The following HSD17B12 variants were observed in gnomAD, a reference collection of about 807,000 sequenced individuals.
The protein encoded by HSD17B12 is hydroxysteroid 17-beta dehydrogenase 12.
Under a neutral mutation model 39.3 loss-of-function variants are expected in HSD17B12, and 32 were observed. The ratio of observed to expected loss-of-function variants is 0.81; its 90% CI spans 0.61 to 1.09. The LOEUF is 1.09. Ranked by LOEUF, HSD17B12 falls within the 50% of genes least tolerant of loss-of-function variation. The pLI, the probability that HSD17B12 is intolerant of heterozygous loss-of-function variation, is 0.00. For synonymous variants in HSD17B12, 150 were observed against 146.7 expected (o/e 1.02, Z -0.16); for missense variants, 342 against 382.9 (o/e 0.89, Z 0.89).
At chr11:43,709,110 C>T (rs1452814012) in intron 1 of HSD17B12, among the ~76,000 whole-genome samples, 2 of 152,158 alleles carry the variant, frequency 1.3e-5, no homozygotes, top group African/African-American at 4.8e-5. Context: ...TGTTTTCACC[C>T]CTCATAAGCA....
At chr11:43,589,838 G>A in the HSD17B12 span, among the ~76,000 whole-genome samples, 1 of 152,150 alleles carries the variant, frequency 6.6e-6, no homozygotes, top group Non-Finnish European at 1.5e-5. Context: ...GCCCTTATTA[G>A]CTGCATGCCC....
At chr11:43,717,804 CTTT>C (rs34501307) in intron 1 of HSD17B12, among the ~76,000 whole-genome samples, 16 of 130,184 alleles carry the variant, frequency 1.2e-4, no homozygotes, top group Admixed American at 1.6e-4. Flanking sequence ...TCTTCTTCTT[CTTT>C]TTTTTTTTTT....
intron 3 of HSD17B12, among the ~76,000 whole-genome samples, chr11:43,771,631 T>C (rs1950651116): frequency 6.6e-6 from 1 of 151,450 alleles, no homozygotes; most frequent in African/African-American, 2.4e-5. Flanking sequence ...TATGCCCAGG[T>C]AATTTTTGTA....
intron 3 of HSD17B12, among the ~76,000 whole-genome samples, chr11:43,772,505 T>C (rs1375267835): frequency 1.3e-5 from 2 of 152,244 alleles, no homozygotes; most frequent in African/African-American, 4.8e-5. Flanking sequence ...CAAGGAGGGC[T>C]TAATGTTATT....
chr11:43,749,379 T>C (rs1950444851), intron 1 of HSD17B12, among the ~76,000 whole-genome samples: 1 of 152,174 alleles, frequency 6.6e-6, no homozygotes, highest in Non-Finnish European at 1.5e-5. Context: ...TGATTACATA[T>C]TGGATGTCAA....
At chr11:43,710,939 T>G (rs1950059443) in intron 1 of HSD17B12, among the ~76,000 whole-genome samples, 1 of 152,068 alleles carries the variant, frequency 6.6e-6, no homozygotes. Context: ...AACAGGTGCA[T>G]GCGCCACCAC....
chr11:43,801,618 A>AG (rs1950969834), intron 4 of HSD17B12, among the ~76,000 whole-genome samples: 2 of 19,746 alleles, frequency 1.0e-4, no homozygotes, highest in Non-Finnish European at 3.1e-4. Flanking sequence ...ATATATATAT[A>AG]TATATATATA....
At position 43,796,054 on chromosome 11, in the gene HSD17B12, C is replaced by T. The variant is rs537535873; in HGVS notation, c.284-2266C>T. Among the ~76,000 whole-genome samples, 4 of 152,032 alleles carry T rather than the reference C, an allele frequency of 2.6e-5. No individual in the cohort carries two copies. In the East Asian group the frequency reaches 5.8e-4, roughly 22 times the overall value. Reference sequence around the variant, plus strand: ...ATGGTAAGTTTAAGTCCCGAGTGTACGTGGACAACATTCTGTATCTAAACA... The same window carrying T: ...ATGGTAAGTTTAAGTCCCGAGTGTATGTGGACAACATTCTGTATCTAAACA... On this transcript the variant is annotated intron_variant, in intron 3 of 10. Transcript: ENST00000278353.
At chr11:43,734,516 T>C (rs1950298977) in intron 1 of HSD17B12, 2 of 606,716 alleles carry the variant, frequency 3.3e-6, no homozygotes, top group Non-Finnish European at 5.9e-6. Context: ...GCTCTCGGAA[T>C]ATCACCTACC....
chr11:43,841,957 C>A (rs1289784934), intron 9 of HSD17B12, among the ~76,000 whole-genome samples: 3 of 152,134 alleles, frequency 2.0e-5, no homozygotes, highest in Non-Finnish European at 4.4e-5. Flanking sequence ...CAATCTCATA[C>A]AATGGTGTGA....
the HSD17B12 span, chr11:43,673,492 C>CTTTTCTTTTTT: frequency 3.1e-4 from 26 of 83,908 alleles, no homozygotes; most frequent in South Asian, 4.6e-4. Flanking sequence ...CTTTTCTTTT[C>CTTTTCTTTTTT]TTTTTTTTTT....
the HSD17B12 span, among the ~76,000 whole-genome samples, chr11:43,616,746 TTAGAGAACCATCTTCTTA>T: frequency 6.8e-6 from 1 of 146,226 alleles, no homozygotes; most frequent in Non-Finnish European, 1.5e-5. Context: ...TGCCTTCATA[TTAGAGAACCATCTTCTTA>T]TTGTCTCCCA....
chr11:43,590,505 G>GTTTTTTTTTTTTTTTTTTTTTTT, the HSD17B12 span, among the ~76,000 whole-genome samples: 1 of 47,870 alleles, frequency 2.1e-5, no homozygotes, highest in Non-Finnish European at 4.5e-5. Flanking sequence ...TGGAGTGAGT[G>GTTTTTTTTTTTTTTTTTTTTTTT]ATTTTTTTTT....
chr11:43,619,229 AT>A, the HSD17B12 span, among the ~76,000 whole-genome samples: 1 of 12,426 alleles, frequency 8.0e-5, no homozygotes, highest in Non-Finnish European at 1.8e-4. Context: ...TATATATATG[AT>A]ATATATATAT....
rs549752361 is a variant in HSD17B12, at chr11:43,732,437, C to A, written c.161-18474C>A. On this transcript the variant is annotated intron_variant, in intron 1 of 10. Coordinates refer to ENST00000278353, the MANE Select transcript of HSD17B12 (RefSeq NM_016142.3). Reference sequence around the variant, plus strand: ...TTGAAACTGCAAAAGGAAGGGGCAGCAGTTAGGCTATTGGTTGCAGTCAGC... The same window carrying A: ...TTGAAACTGCAAAAGGAAGGGGCAGAAGTTAGGCTATTGGTTGCAGTCAGC... Among the ~76,000 whole-genome samples the A allele has an allele frequency of 4.0e-5, 6 of 151,738 alleles. No homozygotes were observed. The South Asian group carries it at 1.3e-3, about 32-fold the overall frequency.
chr11:43,641,408 C>T, the HSD17B12 span, among the ~76,000 whole-genome samples: 1 of 151,914 alleles, frequency 6.6e-6, no homozygotes, highest in African/African-American at 2.4e-5. Flanking sequence ...AATTTTCAGA[C>T]ATCTAAAATA....
chr11:43,583,076 T>G, the HSD17B12 span, among the ~76,000 whole-genome samples: 2 of 152,216 alleles, frequency 1.3e-5, no homozygotes, highest in Non-Finnish European at 2.9e-5. Context: ...TTTTGTCTTT[T>G]GCTTCTTACA....
chr11:43,699,855 G>A lies in HSD17B12; in HGVS notation c.160+18868G>A, dbSNP rs542986717. On this transcript the variant is annotated intron_variant, in intron 1 of 10. Transcript: ENST00000278353. Reference sequence around the variant, plus strand: ...TCTCAGGACATACAAATGACAAACAGGCATATGAAAAAGGTGCTCAACATC... The same window carrying A: ...TCTCAGGACATACAAATGACAAACAAGCATATGAAAAAGGTGCTCAACATC... 2.6e-4 allele frequency among the ~76,000 whole-genome samples: 40 copies of A among 152,270 alleles called. 1 individual carries two copies. In the South Asian group the frequency reaches 7.9e-3, roughly 30 times the overall value.
At chr11:43,723,801 C>T (rs1010527348) in intron 1 of HSD17B12, among the ~76,000 whole-genome samples, 1 of 152,168 alleles carries the variant, frequency 6.6e-6, no homozygotes, top group Non-Finnish European at 1.5e-5. Flanking sequence ...TTTAGACCTG[C>T]GTTGCCATTT....
Sources: allele counts gnomAD v4.1 joint callset (sites outside exome capture counted in the v4.1 genomes callset), GRCh38; gene constraint gnomAD v4.1.1; transcripts MANE v1.5; gene names NCBI Gene and HGNC (gene_info 2026-07-23, HGNC 2026-07-21).